Variants in IFT56 observed in about 807,000 individuals in gnomAD.
IFT56 encodes the protein intraflagellar transport protein 56.
the IFT56 span, among the ~76,000 whole-genome samples, chr7:139,146,242 T>C: frequency 6.6e-6 from 1 of 152,230 alleles, no homozygotes; most frequent in African/African-American, 2.4e-5. Context: ...AAAATATATC[T>C]GTTCTGCCCC....
At chr7:139,172,476 T>A in the IFT56 span, 1 of 407,008 alleles carries the variant, frequency 2.5e-6, no homozygotes, top group African/African-American at 2.1e-5. Context: ...AGCGCTGAGC[T>A]AGATAGAGGA....
chr7:139,172,752 G>C, the IFT56 span: 1 of 633,812 alleles, frequency 1.6e-6, no homozygotes, highest in South Asian at 1.4e-5. Flanking sequence ...GGAAGCGGCT[G>C]GTCACCTGGT....
the IFT56 span, among the ~76,000 whole-genome samples, chr7:139,188,101 C>CTTTT: frequency 7.2e-6 from 1 of 138,078 alleles, no homozygotes. Flanking sequence ...TTTTTTCTTT[C>CTTTT]TTTCTTTTTT....
the IFT56 span, chr7:139,165,188 C>T: frequency 6.2e-7 from 1 of 1,613,748 alleles, no homozygotes; most frequent in Non-Finnish European, 8.5e-7. Context: ...TAGTTGATGT[C>T]ATTCCTGAAG....
At chr7:139,136,846 A>G in the IFT56 span, among the ~76,000 whole-genome samples, 14 of 152,190 alleles carry the variant, frequency 9.2e-5, no homozygotes, top group Non-Finnish European at 2.1e-4. Context: ...GGAAACTGCT[A>G]TGGTTTGGGG....
the IFT56 span, among the ~76,000 whole-genome samples, chr7:139,135,277 CAA>C: frequency 3.9e-3 from 245 of 63,030 alleles, 3 homozygotes; most frequent in East Asian, 0.067. Flanking sequence ...GACTCCGTCT[CAA>C]AAAAAAAAAA....
the IFT56 span, among the ~76,000 whole-genome samples, chr7:139,154,303 A>AT: frequency 2.7e-5 from 4 of 145,568 alleles, no homozygotes; most frequent in Admixed American, 1.4e-4. Context: ...TCTTAATAGT[A>AT]TTTTTTTTGA....
the IFT56 span, among the ~76,000 whole-genome samples, chr7:139,184,232 C>T: frequency 3.2e-4 from 49 of 152,310 alleles, no homozygotes; most frequent in African/African-American, 1.1e-3. Context: ...GGCCGTTCTA[C>T]TCTCCCTAGG....
At chr7:139,188,596 A>G in the IFT56 span, among the ~76,000 whole-genome samples, 2 of 152,226 alleles carry the variant, frequency 1.3e-5, no homozygotes, top group Admixed American at 1.3e-4. Flanking sequence ...TGGTTAGGTG[A>G]AAGAGGTTGT....
the IFT56 span, chr7:139,174,138 A>G: frequency 1.7e-6 from 1 of 594,484 alleles, no homozygotes; most frequent in South Asian, 1.4e-5. Context: ...TACGATTTTC[A>G]TCAGTATCAT....
At chr7:139,184,105 A>T in the IFT56 span, among the ~76,000 whole-genome samples, 1 of 152,200 alleles carries the variant, frequency 6.6e-6, no homozygotes, top group Non-Finnish European at 1.5e-5. Flanking sequence ...TTTAAACCAC[A>T]CAAGCCCCTG....
At chr7:139,167,261 C>T in the IFT56 span, among the ~76,000 whole-genome samples, 3 of 152,186 alleles carry the variant, frequency 2.0e-5, no homozygotes, top group African/African-American at 7.2e-5. Flanking sequence ...CCCATTGGAT[C>T]GTTAACTCCT....
chr7:139,137,861 T>C, the IFT56 span: 1 of 1,613,214 alleles, frequency 6.2e-7, no homozygotes, highest in African/African-American at 1.3e-5. Context: ...AACGTCATGT[T>C]GGGGAAGAAG....
At chr7:139,163,973 C>G in the IFT56 span, among the ~76,000 whole-genome samples, 1 of 152,186 alleles carries the variant, frequency 6.6e-6, no homozygotes, top group Admixed American at 6.5e-5. Context: ...ATGCTAGGCT[C>G]TAGAAATACA....
the IFT56 span, chr7:139,148,160 C>T: frequency 3.7e-5 from 56 of 1,525,466 alleles, no homozygotes; most frequent in South Asian, 4.8e-4. Flanking sequence ...TTGACATTTC[C>T]GTGAAGTAGA....
chr7:139,189,205 C>A, the IFT56 span: 4 of 689,360 alleles, frequency 5.8e-6, no homozygotes, highest in South Asian at 4.0e-5. Context: ...GTGAAAGAGT[C>A]TATTACCAAA....
chr7:139,182,164 G>A, the IFT56 span, among the ~76,000 whole-genome samples: 2 of 152,070 alleles, frequency 1.3e-5, no homozygotes, highest in Non-Finnish European at 2.9e-5. Flanking sequence ...CTCAAAAAAA[G>A]ATTAAGATTT....
At chr7:139,187,864 G>GT in the IFT56 span, among the ~76,000 whole-genome samples, 179 of 140,166 alleles carry the variant, frequency 1.3e-3, no homozygotes, top group Middle Eastern at 7.3e-3. Flanking sequence ...TAGGCAAAGT[G>GT]TTTTTTTTTT....
At chr7:139,186,887 G>A in the IFT56 span, among the ~76,000 whole-genome samples, 31 of 150,982 alleles carry the variant, frequency 2.1e-4, no homozygotes, top group Non-Finnish European at 2.2e-4. Context: ...GAGGTCAGGA[G>A]ATCGAGACCA....
Sources: gnomAD v4.1 joint callset for allele counts (sites outside exome capture counted in the v4.1 genomes callset) on GRCh38, gnomAD v4.1.1 for gene constraint, MANE v1.5 for transcripts, NCBI Gene and HGNC (gene_info 2026-07-23, HGNC 2026-07-21) for gene names.